PLXDC2: variants seen among roughly 807,000 people sequenced by gnomAD.
The protein encoded by PLXDC2 is plexin domain-containing protein 2.
A neutral mutation model predicts 68.9 loss-of-function variants in PLXDC2; 40 were observed. The ratio of observed to expected loss-of-function variants is 0.58; its 90% CI spans 0.45 to 0.76. PLXDC2 has a LOEUF of 0.76. Among genes scored for constraint, PLXDC2 ranks in the 30% least tolerant of loss-of-function variants. PLXDC2 has a pLI of 0.00. For missense variants in PLXDC2, 644 were observed against 661.9 expected, an observed-to-expected ratio of 0.97 and a Z score of 0.30; for synonymous variants, 243 against 234.2, an observed-to-expected ratio of 1.04 and a Z score of -0.34.
At chr10:20,158,940 A>G (rs186358264) in intron 6 of PLXDC2, among the ~76,000 whole-genome samples, 8 of 152,258 alleles carry the variant, frequency 5.3e-5, no homozygotes, top group African/African-American at 1.9e-4. Context: ...CTGGCATGTA[A>G]TGGTTTCATA....
chr10:20,078,653 T>G (rs7922398), intron 4 of PLXDC2, among the ~76,000 whole-genome samples: 60,593 of 151,994 alleles, frequency 0.4, 14,532 homozygotes, highest in East Asian at 0.7. Context: ...GACATTGTGT[T>G]TATGTTTCTA....
At chr10:20,253,944 G>C (rs1378085408) in intron 13 of PLXDC2, among the ~76,000 whole-genome samples, 1 of 152,144 alleles carries the variant, frequency 6.6e-6, no homozygotes, top group Non-Finnish European at 1.5e-5. Flanking sequence ...CTCTGTTCCT[G>C]AAACCTGAGT....
chr10:20,219,162 T>C, intron 12 of PLXDC2, 60 bp downstream of exon 12: 1 of 1,534,242 alleles, frequency 6.5e-7, no homozygotes, highest in Non-Finnish European at 8.9e-7. Context: ...TTTCATTTAT[T>C]TTACTATGAG....
intron 9 of PLXDC2, among the ~76,000 whole-genome samples, chr10:20,187,609 C>A (rs1834703968): frequency 6.6e-6 from 1 of 151,676 alleles, no homozygotes; most frequent in Admixed American, 6.6e-5. Context: ...TGCAGGTCTT[C>A]TTAATGGGTA....
At chr10:20,008,832 G>A (rs2131642556) in intron 2 of PLXDC2, among the ~76,000 whole-genome samples, 1 of 152,256 alleles carries the variant, frequency 6.6e-6, no homozygotes, top group Admixed American at 6.5e-5. Context: ...AGATCGGATG[G>A]TTCCATAAAA....
At chr10:20,199,435 G>T (rs1161369201) in intron 9 of PLXDC2, among the ~76,000 whole-genome samples, 1 of 151,852 alleles carries the variant, frequency 6.6e-6, no homozygotes, top group Non-Finnish European at 1.5e-5. Context: ...TAAGAGATAA[G>T]ACTATTGGAA....
rs1156423231 is a variant in PLXDC2, at chr10:20,288,880, C to T, written c.*9061C>T. ...GGAAGCTGGTGGGGACCAAATGTTA[C>T]CTGTGTTTTTGCTGTTGATTGCTAT... On this transcript the variant is annotated 3_prime_UTR_variant, in exon 14 of 14. Coordinates refer to ENST00000377252, the MANE Select transcript of PLXDC2 (RefSeq NM_032812.9). 6.6e-6 allele frequency: 1 copy of T among 151,948 alleles called. No homozygotes were observed. The highest frequency in any genetic ancestry group is 1.5e-5 in the Non-Finnish European group (1 of 68,016). 9.4% of individuals were successfully genotyped at this position (151,948 alleles called of 1,614,324 possible).
At chr10:20,139,908 A>G (rs1031962598) in intron 4 of PLXDC2, among the ~76,000 whole-genome samples, 7 of 152,146 alleles carry the variant, frequency 4.6e-5, no homozygotes, top group African/African-American at 1.7e-4. Flanking sequence ...AATGTAGATG[A>G]CGCATTGATG....
intron 6 of PLXDC2, among the ~76,000 whole-genome samples, chr10:20,149,655 A>C (rs987003487): frequency 1.3e-5 from 2 of 152,174 alleles, no homozygotes; most frequent in Non-Finnish European, 2.9e-5. Context: ...CCCACTTATA[A>C]GTGAGAACAT....
chr10:20,080,512 T>A (rs772069406), intron 4 of PLXDC2, among the ~76,000 whole-genome samples: 5 of 152,112 alleles, frequency 3.3e-5, no homozygotes, highest in Non-Finnish European at 7.4e-5. Flanking sequence ...AAGCTGAAGA[T>A]CTTAGAGTCT....
intron 1 of PLXDC2, among the ~76,000 whole-genome samples, chr10:19,829,154 C>CTTTTTTTTTTTTTTTTTTTTT (rs71388870): frequency 2.1e-5 from 2 of 94,418 alleles, no homozygotes; most frequent in African/African-American, 4.4e-5. Flanking sequence ...ACGCTTTCCT[C>CTTTTTTTTTTTTTTTTTTTTT]TTTTTTTTTT....
intron 1 of PLXDC2, among the ~76,000 whole-genome samples, chr10:19,999,477 A>ATT (rs138752041): frequency 2.7e-5 from 4 of 150,458 alleles, no homozygotes; most frequent in Admixed American, 6.6e-5. Context: ...TTTAAATACC[A>ATT]TTTTTTTTAT....
At chr10:19,842,776 T>C (rs1180581323) in intron 1 of PLXDC2, among the ~76,000 whole-genome samples, 1 of 152,182 alleles carries the variant, frequency 6.6e-6, no homozygotes, top group East Asian at 1.9e-4. Context: ...CGTATATGGG[T>C]TAATGAATAT....
At chr10:20,200,018 A>G (rs1834895551) in intron 9 of PLXDC2, among the ~76,000 whole-genome samples, 1 of 151,968 alleles carries the variant, frequency 6.6e-6, no homozygotes, top group Non-Finnish European at 1.5e-5. Flanking sequence ...AGAATCTGGC[A>G]GTTATTTCTT....
At chr10:20,233,408 A>C (rs957506211) in intron 12 of PLXDC2, among the ~76,000 whole-genome samples, 2 of 151,752 alleles carry the variant, frequency 1.3e-5, no homozygotes, top group Admixed American at 6.6e-5. Flanking sequence ...ACAACTTCCC[A>C]TGTAGTTGAT....
At chr10:20,267,552 A>G (rs1835886712) in intron 13 of PLXDC2, among the ~76,000 whole-genome samples, 1 of 152,166 alleles carries the variant, frequency 6.6e-6, no homozygotes, top group African/African-American at 2.4e-5. Flanking sequence ...GACTCTCCCA[A>G]GCAGCCTTCA....
intron 2 of PLXDC2, among the ~76,000 whole-genome samples, chr10:20,025,194 A>T (rs1251381941): frequency 6.6e-6 from 1 of 151,822 alleles, no homozygotes; most frequent in Non-Finnish European, 1.5e-5. Context: ...AGCTAAACTA[A>T]TTTACATTAC....
intron 9 of PLXDC2, among the ~76,000 whole-genome samples, chr10:20,180,273 T>G (rs1834583917): frequency 6.6e-6 from 1 of 152,106 alleles, no homozygotes; most frequent in Admixed American, 6.6e-5. Flanking sequence ...GGTGTTTTAT[T>G]GAATACCGAA....
chr10:20,079,850 A>G (rs547529204), intron 4 of PLXDC2, among the ~76,000 whole-genome samples: 1 of 152,212 alleles, frequency 6.6e-6, no homozygotes, highest in Non-Finnish European at 1.5e-5. Context: ...CTTAAAACCT[A>G]GATGATGGGT....
Sources: allele counts gnomAD v4.1 joint callset (sites outside exome capture counted in the v4.1 genomes callset), GRCh38; gene constraint gnomAD v4.1.1; transcripts MANE v1.5; gene names NCBI Gene and HGNC (gene_info 2026-07-23, HGNC 2026-07-21).